The following SH3GL3 variants were observed in gnomAD, a reference collection of about 807,000 sequenced individuals.
The protein encoded by SH3GL3 is endophilin-A3.
In SH3GL3, 33 loss-of-function variants were observed where a neutral mutation model predicts 47.7. The ratio of observed to expected loss-of-function variants is 0.69; its 90% CI spans 0.52 to 0.92. SH3GL3 has a LOEUF of 0.92. Among genes scored for constraint, SH3GL3 ranks in the 40% least tolerant of loss-of-function variants. The probability of loss-of-function intolerance (pLI) is 0.00; values close to 1 mark genes in which losing one functional copy is unlikely to be tolerated. For synonymous variants in SH3GL3, 155 were observed against 148.8 expected (o/e 1.04, Z -0.30); for missense variants, 363 against 417.8 (o/e 0.87, Z 1.14).
chr15:83,509,020 A>G (rs1181816596), intron 1 of SH3GL3, among the ~76,000 whole-genome samples: 1 of 152,258 alleles, frequency 6.6e-6, no homozygotes. Context: ...TGCATTGAGC[A>G]ATTGGTAAGG....
At chr15:83,572,090 T>A (rs1459528038) in intron 4 of SH3GL3, among the ~76,000 whole-genome samples, 1 of 152,242 alleles carries the variant, frequency 6.6e-6, no homozygotes, top group African/African-American at 2.4e-5. Flanking sequence ...TCTAGAAGGA[T>A]ACGGGGAGTA....
intron 8 of SH3GL3, among the ~76,000 whole-genome samples, chr15:83,613,368 G>C (rs2060722289): frequency 1.3e-5 from 2 of 152,162 alleles, no homozygotes; most frequent in African/African-American, 4.8e-5. Context: ...TCTCTTTCCA[G>C]CTCTCAGAAT....
At chr15:83,468,539 G>C (rs9635451) in intron 1 of SH3GL3, among the ~76,000 whole-genome samples, 43,351 of 151,972 alleles carry the variant, frequency 0.29, 6,843 homozygotes, top group South Asian at 0.51. Context: ...AAATTTCCCT[G>C]TATTTCTACT....
chr15:83,486,792 G>GT (rs750937047), intron 1 of SH3GL3, among the ~76,000 whole-genome samples: 14 of 152,288 alleles, frequency 9.2e-5, no homozygotes, highest in African/African-American at 3.1e-4. Flanking sequence ...TATGGAGGCT[G>GT]GGAAGTCCAA....
chr15:83,565,166 A>G lies in SH3GL3; in HGVS notation c.147A>G (p.Glu49=), dbSNP rs1566991576. The G allele has an allele frequency of 2.5e-6, 4 of 1,579,900 alleles. No individual in the cohort carries two copies. The highest frequency in any genetic ancestry group is 1.7e-4 in the Middle Eastern group (1 of 5,994). Reference sequence around the variant, plus strand: ...ATGTTACCAATAAAGTTGTTGCAGAAATTCTTTCAAAAACCACTGAATATC... The same window carrying G: ...ATGTTACCAATAAAGTTGTTGCAGAGATTCTTTCAAAAACCACTGAATATC... ...KIDVTNKVVA[E]ILSKTTEYLQ... Residue 49 remains glutamate (E), a synonymous_variant, in exon 3 of 9, where the codon GAA becomes GAG. Coordinates refer to ENST00000427482, the MANE Select transcript of SH3GL3 (RefSeq NM_003027.5).
At chr15:83,478,907 A>G (rs1018780804) in intron 1 of SH3GL3, among the ~76,000 whole-genome samples, 3 of 152,258 alleles carry the variant, frequency 2.0e-5, no homozygotes, top group Admixed American at 2.0e-4. Flanking sequence ...GGAACAGAAA[A>G]TGAAATTCTG....
At chr15:83,605,805 C>CT (rs2060500114) in intron 8 of SH3GL3, among the ~76,000 whole-genome samples, 1 of 152,140 alleles carries the variant, frequency 6.6e-6, no homozygotes. Context: ...TCAGTGTAAG[C>CT]TGCCCCTCTG....
intron 1 of SH3GL3, among the ~76,000 whole-genome samples, chr15:83,460,812 C>T (rs1379617974): frequency 6.6e-6 from 1 of 152,054 alleles, no homozygotes; most frequent in Non-Finnish European, 1.5e-5. Flanking sequence ...AGGCCGGGTG[C>T]GGTGGCTTAC....
At chr15:83,624,745 G>A in the SH3GL3 span, among the ~76,000 whole-genome samples, 1 of 152,084 alleles carries the variant, frequency 6.6e-6, no homozygotes, top group Admixed American at 6.5e-5. Context: ...GACCAGGCTG[G>A]GCAACATTGT....
chr15:83,542,472 A>G (rs1361382854), intron 1 of SH3GL3, among the ~76,000 whole-genome samples: 4 of 152,116 alleles, frequency 2.6e-5, no homozygotes, highest in Admixed American at 2.6e-4. Context: ...GTGATTCCAT[A>G]TAAGTTTTAG....
chr15:83,583,293 T>C (rs2059878970), intron 6 of SH3GL3, among the ~76,000 whole-genome samples: 1 of 152,186 alleles, frequency 6.6e-6, no homozygotes, highest in African/African-American at 2.4e-5. Context: ...CTCACCCGGC[T>C]GCTCACCAAG....
chr15:83,465,160 A>C (rs1426202750), intron 1 of SH3GL3, among the ~76,000 whole-genome samples: 3 of 151,742 alleles, frequency 2.0e-5, no homozygotes, highest in Non-Finnish European at 2.9e-5. Flanking sequence ...ACATAAAAAA[A>C]TTAGCTGGGC....
chr15:83,472,285 G>A (rs1316478828), intron 1 of SH3GL3, among the ~76,000 whole-genome samples: 4 of 152,188 alleles, frequency 2.6e-5, no homozygotes, highest in Non-Finnish European at 5.9e-5. Context: ...TTCTTTGAGT[G>A]CTTTACCAGT....
chr15:83,623,552 C>G (rs2060920603), downstream of SH3GL3, among the ~76,000 whole-genome samples: 1 of 152,242 alleles, frequency 6.6e-6, no homozygotes, highest in Admixed American at 6.5e-5. Flanking sequence ...ATCTCACAGG[C>G]TGGGCCTGCT....
chr15:83,513,901 A>G (rs1344318340), intron 1 of SH3GL3, among the ~76,000 whole-genome samples: 7 of 152,232 alleles, frequency 4.6e-5, no homozygotes, highest in African/African-American at 1.7e-4. Context: ...ACTGATAGCT[A>G]TGGCATAGCT....
rs376912285 is a variant in SH3GL3, at chr15:83,605,860, C to T, written c.839-12222C>T. Among the ~76,000 whole-genome samples, 4 of 152,230 alleles carry T rather than the reference C, an allele frequency of 2.6e-5. No individual in the cohort carries two copies. In the East Asian group the frequency reaches 5.8e-4, roughly 22 times the overall value. Reference sequence around the variant, plus strand: ...GCCAGGAAACATCCTTGAGTTGAAACATGTGCCTGTGTAGCTCCCAGAAAA... The same window carrying T: ...GCCAGGAAACATCCTTGAGTTGAAATATGTGCCTGTGTAGCTCCCAGAAAA... On this transcript the variant is annotated intron_variant, in intron 8 of 8. Coordinates refer to ENST00000427482, the MANE Select transcript of SH3GL3 (RefSeq NM_003027.5).
At chr15:83,477,201 T>A (rs2041141460) in intron 1 of SH3GL3, among the ~76,000 whole-genome samples, 1 of 152,192 alleles carries the variant, frequency 6.6e-6, no homozygotes, top group Non-Finnish European at 1.5e-5. Flanking sequence ...GGGTTGCAGG[T>A]TGTCTGGCAT....
chr15:83,609,227 G>A, intron 8 of SH3GL3: 1 of 456,038 alleles, frequency 2.2e-6, no homozygotes, highest in Non-Finnish European at 4.4e-6. Context: ...AGCCCACAAT[G>A]CAGCGCTGTT....
At chr15:83,496,359 A>G (rs77601229) in intron 1 of SH3GL3, among the ~76,000 whole-genome samples, 1 of 95,306 alleles carries the variant, frequency 1.0e-5, no homozygotes, top group Non-Finnish European at 2.4e-5. Flanking sequence ...ATTATGTCTC[A>G]AAAAAAAAAA....
Sources: gnomAD v4.1 joint callset for allele counts (sites outside exome capture counted in the v4.1 genomes callset) on GRCh38, gnomAD v4.1.1 for gene constraint, MANE v1.5 for transcripts, NCBI Gene and HGNC (gene_info 2026-07-23, HGNC 2026-07-21) for gene names.